The following ZNF599 variants were observed in gnomAD, a reference collection of about 807,000 sequenced individuals.
The protein encoded by ZNF599 is zinc finger protein 599.
In ZNF599, 10 loss-of-function variants were observed where a neutral mutation model predicts 11.7. That is an observed-to-expected ratio of 0.86 (90% CI 0.53 to 1.45). The LOEUF is 1.45. Ranked by LOEUF, ZNF599 falls within the 40% of genes most tolerant of loss-of-function variation. ZNF599 has a pLI of 0.00. For missense variants in ZNF599, 688 were observed against 713.6 expected (o/e 0.96, Z 0.41); for synonymous variants, 232 against 253.2 (o/e 0.92, Z 0.79).
the ZNF599 span, among the ~76,000 whole-genome samples, chr19:34,793,692 A>G: frequency 6.6e-6 from 1 of 152,336 alleles, no homozygotes; most frequent in Non-Finnish European, 1.5e-5. Flanking sequence ...ATTCAAGAGC[A>G]AGCTGACAGA....
chr19:34,768,692 C>G (rs2069161317), intron 2 of ZNF599, among the ~76,000 whole-genome samples: 1 of 152,202 alleles, frequency 6.6e-6, no homozygotes, highest in South Asian at 2.1e-4. Context: ...CAGGTCCCAG[C>G]AAGTTCCTGC....
the ZNF599 span, among the ~76,000 whole-genome samples, chr19:34,807,480 G>T: frequency 6.6e-6 from 1 of 152,234 alleles, no homozygotes; most frequent in Non-Finnish European, 1.5e-5. Context: ...CCTCTGTGCA[G>T]TAGGGACAAG....
the ZNF599 span, among the ~76,000 whole-genome samples, chr19:34,780,480 C>G: frequency 6.6e-5 from 10 of 151,142 alleles, no homozygotes; most frequent in African/African-American, 2.4e-4. Flanking sequence ...GCCTTGGTGA[C>G]AGAGTGGCAC....
chr19:34,797,531 T>C, the ZNF599 span, among the ~76,000 whole-genome samples: 13 of 152,118 alleles, frequency 8.5e-5, no homozygotes, highest in Non-Finnish European at 1.3e-4. Context: ...TGGTATCTCA[T>C]TGTGGTTTTG....
At chr19:34,802,286 T>G in the ZNF599 span, among the ~76,000 whole-genome samples, 1 of 152,162 alleles carries the variant, frequency 6.6e-6, no homozygotes, top group African/African-American at 2.4e-5. Flanking sequence ...AGTCACAGCA[T>G]GGGAGAAGCC....
chr19:34,761,339 A>C (rs1356699780), intron 3 of ZNF599, among the ~76,000 whole-genome samples: 1 of 152,240 alleles, frequency 6.6e-6, no homozygotes, highest in African/African-American at 2.4e-5. Context: ...ATCTATATGA[A>C]AAGAGATTAA....
At chr19:34,790,668 A>T in the ZNF599 span, among the ~76,000 whole-genome samples, 1 of 152,156 alleles carries the variant, frequency 6.6e-6, no homozygotes, top group Non-Finnish European at 1.5e-5. Context: ...GACAGGAGGA[A>T]TACATTTTAG....
At chr19:34,797,276 G>A in the ZNF599 span, among the ~76,000 whole-genome samples, 800 of 152,238 alleles carry the variant, frequency 5.3e-3, 6 homozygotes, top group African/African-American at 0.019. Flanking sequence ...ATAAACATAC[G>A]TGTGCATGTG....
In ZNF599 at chr19:34,765,738, A is replaced by C. The variant is rs2069138271; in HGVS notation, c.241+1578T>G. On this transcript the variant is annotated intron_variant, in intron 3 of 3. Coordinates refer to ENST00000329285, the MANE Select transcript of ZNF599 (RefSeq NM_001007248.3). ...TTCATAAAGTAGGTCAGATGCTCTG[A>C]CATCAGTGGCAAGGGAGGCGGTGAT... 4 of 697,202 alleles carry C rather than the reference A, an allele frequency of 5.7e-6. No individual in the cohort carries two copies. The South Asian group carries it at 6.0e-5, about 10-fold the overall frequency. 43.2% of individuals were successfully genotyped at this position (697,202 alleles called of 1,614,324 possible).
intron 1 of ZNF599, among the ~76,000 whole-genome samples, chr19:34,770,195 G>A (rs1014818077): frequency 3.3e-5 from 5 of 152,226 alleles, no homozygotes; most frequent in Non-Finnish European, 5.9e-5. Flanking sequence ...AGCCCATGAT[G>A]TAAATGTCAT....
chr19:34,807,459 C>T, the ZNF599 span, among the ~76,000 whole-genome samples: 1 of 152,196 alleles, frequency 6.6e-6, no homozygotes, highest in Admixed American at 6.5e-5. Flanking sequence ...AGCGTCAGAG[C>T]CTCAGTCTTA....
At chr19:34,791,829 A>C in the ZNF599 span, 1 of 152,150 alleles carries the variant, frequency 6.6e-6, no homozygotes, top group Non-Finnish European at 1.5e-5. Flanking sequence ...CCTGGACAGG[A>C]ACTTTATGAG....
intron 3 of ZNF599, among the ~76,000 whole-genome samples, chr19:34,761,096 T>A (rs1043136212): frequency 6.6e-6 from 1 of 152,098 alleles, no homozygotes; most frequent in Non-Finnish European, 1.5e-5. Context: ...CTTGAGAGAA[T>A]GCTGATTGCT....
chr19:34,781,583 G>A, the ZNF599 span, among the ~76,000 whole-genome samples: 1 of 152,250 alleles, frequency 6.6e-6, no homozygotes, highest in East Asian at 1.9e-4. Flanking sequence ...CTGCTGCGCA[G>A]TAGTAAGACT....
chr19:34,771,827 G>T (rs2069185827), intron 1 of ZNF599, among the ~76,000 whole-genome samples: 1 of 152,168 alleles, frequency 6.6e-6, no homozygotes. Context: ...AAACAGAACA[G>T]AAGCTGACAT....
chr19:34,791,164 C>T, the ZNF599 span, among the ~76,000 whole-genome samples: 7 of 152,200 alleles, frequency 4.6e-5, no homozygotes, highest in Non-Finnish European at 8.8e-5. Context: ...CCCATTTTCT[C>T]TCCTCTTTGG....
the ZNF599 span, among the ~76,000 whole-genome samples, chr19:34,794,644 C>G: frequency 6.6e-6 from 1 of 151,356 alleles, no homozygotes; most frequent in Non-Finnish European, 1.5e-5. Flanking sequence ...AATCTTGGCT[C>G]ACTGCAACCT....
intron 3 of ZNF599, chr19:34,765,205 CAT>C (rs2069134951): frequency 1.1e-5 from 2 of 189,552 alleles, no homozygotes; most frequent in Admixed American, 1.1e-4. Context: ...ATCCCCAAGT[CAT>C]AGTGTTCACA....
chr19:34,798,289 G>A, the ZNF599 span, among the ~76,000 whole-genome samples: 1 of 152,168 alleles, frequency 6.6e-6, no homozygotes, highest in Non-Finnish European at 1.5e-5. Flanking sequence ...CATTGCTACT[G>A]GGGTACAATT....
Sources: allele counts gnomAD v4.1 joint callset (sites outside exome capture counted in the v4.1 genomes callset), GRCh38; gene constraint gnomAD v4.1.1; transcripts MANE v1.5; gene names NCBI Gene and HGNC (gene_info 2026-07-23, HGNC 2026-07-21).